EXOC6B: variants seen among roughly 807,000 people sequenced by gnomAD.
EXOC6B encodes SEC15 homolog B.
In EXOC6B, 54 loss-of-function variants were observed where a neutral mutation model predicts 113.5. The ratio of observed to expected loss-of-function variants is 0.48; its 90% CI spans 0.38 to 0.60. The LOEUF is 0.60. EXOC6B is among the 20% of genes least tolerant of loss of function. The probability of loss-of-function intolerance (pLI) is 0.00; values close to 1 mark genes in which losing one functional copy is unlikely to be tolerated. For synonymous variants in EXOC6B, 357 were observed against 339.0 expected, an observed-to-expected ratio of 1.05 and a Z score of -0.58; for missense variants, 797 against 977.5, an observed-to-expected ratio of 0.82 and a Z score of 2.46.
chr2:72,595,289 ATATATC>A (rs1202152985), intron 6 of EXOC6B, among the ~76,000 whole-genome samples: 165 of 146,834 alleles, frequency 1.1e-3, no homozygotes, highest in African/African-American at 3.9e-3. Flanking sequence ...ATATAGATAT[ATATATC>A]TATATATATA....
intron 6 of EXOC6B, among the ~76,000 whole-genome samples, chr2:72,597,764 G>C (rs958731113): frequency 5.3e-5 from 8 of 151,810 alleles, no homozygotes; most frequent in African/African-American, 1.9e-4. Flanking sequence ...CACACGAACA[G>C]TAACAAAAAG....
At chr2:72,714,422 A>G (rs1679472133) in intron 6 of EXOC6B, among the ~76,000 whole-genome samples, 2 of 152,348 alleles carry the variant, frequency 1.3e-5, no homozygotes, top group Middle Eastern at 3.4e-3. Context: ...ATAAGTGAAT[A>G]AAGAGTAAGA....
intron 19 of EXOC6B, among the ~76,000 whole-genome samples, chr2:72,352,174 C>T (rs138177972): frequency 2.2e-4 from 34 of 152,180 alleles, no homozygotes; most frequent in African/African-American, 7.5e-4. Context: ...AAATTCATAG[C>T]TATTAGTGGT....
At chr2:72,361,319 C>T (rs1517179) in intron 19 of EXOC6B, among the ~76,000 whole-genome samples, 31,397 of 152,112 alleles carry the variant, frequency 0.21, 6,075 homozygotes, top group African/African-American at 0.52. Flanking sequence ...GTTACTTTCA[C>T]AGTTTGCTGA....
rs201765603 is a variant in EXOC6B, at chr2:72,353,713, G to GT, written c.2123-18694dup. On this transcript the variant is annotated intron_variant, in intron 19 of 21. Coordinates refer to ENST00000272427, the MANE Select transcript of EXOC6B (RefSeq NM_015189.3). The stretch of plus-strand genomic sequence containing the variant: ...AAATAATTGTTTCTTAAAATTTCTA[G>GT]TAAAAAAAAAACAACAGTAAAAAGG... Among the ~76,000 whole-genome samples the GT allele has an allele frequency of 4.5e-3, 687 of 150,996 alleles. 31 individuals carry two copies. The East Asian group carries it at 0.11, about 25-fold the overall frequency.
chr2:72,789,609 A>T (rs1452364164), intron 1 of EXOC6B, among the ~76,000 whole-genome samples: 1 of 152,218 alleles, frequency 6.6e-6, no homozygotes, highest in Non-Finnish European at 1.5e-5. Flanking sequence ...AGTTCTTTTT[A>T]TGACTCAGAA....
intron 1 of EXOC6B, among the ~76,000 whole-genome samples, chr2:72,789,778 T>C (rs1049141343): frequency 1.3e-5 from 2 of 152,164 alleles, no homozygotes; most frequent in Admixed American, 1.3e-4. Flanking sequence ...ATGTCAATAA[T>C]TAATTATTGA....
intron 20 of EXOC6B, among the ~76,000 whole-genome samples, chr2:72,320,358 CAT>C (rs1295570610): frequency 1.3e-5 from 2 of 151,934 alleles, no homozygotes; most frequent in Admixed American, 6.6e-5. Flanking sequence ...AAGATCAAGA[CAT>C]AGCAAAAGGA....
At chr2:72,535,870 C>CAA (rs35608008) in intron 8 of EXOC6B, among the ~76,000 whole-genome samples, 13 of 131,500 alleles carry the variant, frequency 9.9e-5, no homozygotes, top group African/African-American at 3.8e-4. Flanking sequence ...AATTCTGTCT[C>CAA]AAAAAAAAAA....
intron 17 of EXOC6B, among the ~76,000 whole-genome samples, chr2:72,476,890 T>C (rs1473063895): frequency 6.6e-6 from 1 of 152,218 alleles, no homozygotes; most frequent in Non-Finnish European, 1.5e-5. Context: ...GAAGTTAAAA[T>C]ATCCTTCACT....
intron 18 of EXOC6B, among the ~76,000 whole-genome samples, chr2:72,430,859 C>T (rs1695479680): frequency 6.6e-6 from 1 of 152,166 alleles, no homozygotes; most frequent in South Asian, 2.1e-4. Context: ...GCTGACACTG[C>T]CAATCCTGCC....
intron 6 of EXOC6B, among the ~76,000 whole-genome samples, chr2:72,693,153 A>G (rs1355690143): frequency 6.6e-6 from 1 of 152,196 alleles, no homozygotes; most frequent in Non-Finnish European, 1.5e-5. Context: ...CTGCCCCCAC[A>G]TCCAAAGAAG....
At chr2:72,732,320 GT>G (rs1264687103) in intron 3 of EXOC6B, among the ~76,000 whole-genome samples, 1 of 151,390 alleles carries the variant, frequency 6.6e-6, no homozygotes, top group African/African-American at 2.4e-5. Flanking sequence ...GGTTATGGTT[GT>G]TTTTTTTGTT....
chr2:72,234,882 T>TA (rs1427369541), intron 20 of EXOC6B, among the ~76,000 whole-genome samples: 17 of 150,908 alleles, frequency 1.1e-4, no homozygotes, highest in Non-Finnish European at 2.5e-4. Flanking sequence ...TATTAAAAAG[T>TA]AAAAAACAAA....
In EXOC6B at chr2:72,401,582, CATATAT is replaced by C. The variant is rs1197072759; in HGVS notation, c.1981-21718_1981-21713del. Among the ~76,000 whole-genome samples the C allele has an allele frequency of 6.0e-3, 110 of 18,430 alleles. 7 individuals are homozygous for C. The highest frequency in any genetic ancestry group is 0.017 in the East Asian group (12 of 710). 12.1% of individuals were successfully genotyped at this position (18,430 alleles called of 152,430 possible). Reference sequence around the variant, plus strand: ...ATATATATACATATATATATATATACATATATATATATATATATATGTGTATATATA... The same window carrying C: ...ATATATATACATATATATATATATACATATATATATATATGTGTATATATA... On this transcript the variant is annotated intron_variant, in intron 18 of 21. Transcript: ENST00000272427.
intron 18 of EXOC6B, among the ~76,000 whole-genome samples, chr2:72,395,294 G>A (rs189030808): frequency 6.6e-6 from 1 of 152,012 alleles, no homozygotes; most frequent in Non-Finnish European, 1.5e-5. Flanking sequence ...AATGGTAGAC[G>A]CCTGACTGTC....
rs551028605 is a variant in EXOC6B, at chr2:72,699,896, C to G, written c.669+18207G>C. Among the ~76,000 whole-genome samples, 38 of 152,234 alleles carry G rather than the reference C, an allele frequency of 2.5e-4. No individual in the cohort carries two copies. In the East Asian group the frequency reaches 6.2e-3, roughly 25 times the overall value. ...AAAAATATGGCTTTCTATATACAGT[C>G]ATCCCTCAGTATCCACAAGAGATTA... On this transcript the variant is annotated intron_variant, in intron 6 of 21. Transcript: ENST00000272427.
intron 19 of EXOC6B, among the ~76,000 whole-genome samples, chr2:72,335,548 GCACACACACA>G (rs70963124): frequency 0.017 from 2,261 of 134,960 alleles, 22 homozygotes; most frequent in East Asian, 0.034. Context: ...CTGCATTATT[GCACACACACA>G]CACACACACA....
intron 20 of EXOC6B, among the ~76,000 whole-genome samples, chr2:72,188,393 A>G (rs768677696): frequency 1.3e-5 from 2 of 152,200 alleles, no homozygotes; most frequent in South Asian, 2.1e-4. Context: ...ATTAAGTTCA[A>G]CCACCATGAG....
Sources: gnomAD v4.1 joint callset for allele counts (sites outside exome capture counted in the v4.1 genomes callset) on GRCh38, gnomAD v4.1.1 for gene constraint, MANE v1.5 for transcripts, NCBI Gene and HGNC (gene_info 2026-07-23, HGNC 2026-07-21) for gene names.